Variants in C8orf90 observed in about 807,000 individuals in gnomAD.
C8orf90 encodes the protein chromosome 8 open reading frame 90.
the C8orf90 span, among the ~76,000 whole-genome samples, chr8:141,516,162 C>T: frequency 6.6e-6 from 1 of 152,170 alleles, no homozygotes; most frequent in Admixed American, 6.5e-5. Context: ...AGCAACTCTT[C>T]ACCCTCTTTC....
chr8:141,515,114 C>A, the C8orf90 span, among the ~76,000 whole-genome samples: 3 of 148,174 alleles, frequency 2.0e-5, no homozygotes, highest in South Asian at 2.2e-4. Context: ...CCTGCCCTTG[C>A]CTCTTCTAAA....
chr8:141,514,885 G>T, the C8orf90 span: 1 of 629,608 alleles, frequency 1.6e-6, no homozygotes, highest in South Asian at 1.8e-5. Flanking sequence ...GCTCTGCCAA[G>T]GTCATGAAGG....
chr8:141,518,388 GCCGCCGGGGTCCGA>G, the C8orf90 span: 1 of 674,208 alleles, frequency 1.5e-6, no homozygotes, highest in Non-Finnish European at 2.7e-6. Flanking sequence ...CGTTCGCCTG[GCCGCCGGGGTCCGA>G]CCCCGCCTGC....
the C8orf90 span, among the ~76,000 whole-genome samples, chr8:141,516,783 A>G: frequency 1.3e-5 from 2 of 152,236 alleles, no homozygotes; most frequent in East Asian, 3.9e-4. Context: ...TCTTATCCCC[A>G]GCATGGCGCT....
chr8:141,515,972 C>T, the C8orf90 span, among the ~76,000 whole-genome samples: 5,067 of 152,268 alleles, frequency 0.033, 95 homozygotes, highest in Middle Eastern at 0.15. Context: ...TGGCCTTGCA[C>T]CCTCCTTCCC....
chr8:141,516,952 C>T, the C8orf90 span, among the ~76,000 whole-genome samples: 3 of 152,228 alleles, frequency 2.0e-5, no homozygotes, highest in African/African-American at 7.2e-5. Context: ...TGGAAGGACC[C>T]CCACGTCTGT....
the C8orf90 span, chr8:141,518,523 A>G: frequency 2.0e-5 from 11 of 543,422 alleles, no homozygotes; most frequent in Non-Finnish European, 3.5e-5. Context: ...CGGCCCAGGC[A>G]GCGATGCGCA....
the C8orf90 span, among the ~76,000 whole-genome samples, chr8:141,517,596 T>C: frequency 6.6e-6 from 1 of 152,116 alleles, no homozygotes; most frequent in Non-Finnish European, 1.5e-5. Flanking sequence ...CCCTCTGGAT[T>C]CCAGGGTCAG....
chr8:141,514,869 G>C, the C8orf90 span: 1 of 653,856 alleles, frequency 1.5e-6, no homozygotes, highest in East Asian at 2.8e-5. Flanking sequence ...TCTTCCAGAA[G>C]AAGATGCTCT....
At chr8:141,518,503 C>A in the C8orf90 span, 6 of 613,544 alleles carry the variant, frequency 9.8e-6, no homozygotes, top group African/African-American at 7.8e-5. Flanking sequence ...GCTGCGGCCC[C>A]TGCACGCCAC....
At chr8:141,518,426 A>G in the C8orf90 span, 5 of 669,086 alleles carry the variant, frequency 7.5e-6, no homozygotes, top group South Asian at 1.6e-5. Flanking sequence ...CCGCTCTTCT[A>G]CGACCCCCGC....
chr8:141,518,064 G>T, the C8orf90 span, among the ~76,000 whole-genome samples: 1 of 152,112 alleles, frequency 6.6e-6, no homozygotes, highest in Admixed American at 6.5e-5. Context: ...AGGTGGCCCT[G>T]GCCATCCCCA....
the C8orf90 span, among the ~76,000 whole-genome samples, chr8:141,516,615 G>C: frequency 6.6e-6 from 1 of 152,110 alleles, no homozygotes; most frequent in African/African-American, 2.4e-5. Context: ...CTCTCTGCTT[G>C]CGCTTCTGCC....
At chr8:141,515,628 C>T in the C8orf90 span, among the ~76,000 whole-genome samples, 2 of 152,054 alleles carry the variant, frequency 1.3e-5, no homozygotes, top group Admixed American at 1.3e-4. Context: ...CCCAGCACTC[C>T]TTTAGTGAGG....
the C8orf90 span, chr8:141,518,396 G>T: frequency 1.5e-6 from 1 of 673,532 alleles, no homozygotes; most frequent in Non-Finnish European, 2.7e-6. Flanking sequence ...TGGCCGCCGG[G>T]GTCCGACCCC....
the C8orf90 span, among the ~76,000 whole-genome samples, chr8:141,517,324 C>T: frequency 6.8e-3 from 1,034 of 152,376 alleles, 14 homozygotes; most frequent in African/African-American, 0.024. Context: ...TACATTCTTT[C>T]CTGGACTGTG....
chr8:141,518,583 G>A, the C8orf90 span: 11 of 433,462 alleles, frequency 2.5e-5, no homozygotes, highest in Non-Finnish European at 4.4e-5. Flanking sequence ...CGCGGGGCCC[G>A]GGCCCGGCCT....
the C8orf90 span, chr8:141,518,267 C>T: frequency 1.6e-6 from 1 of 634,744 alleles, no homozygotes; most frequent in Admixed American, 2.4e-5. Flanking sequence ...GGCGGGGACG[C>T]GCAGCTCTGG....
the C8orf90 span, chr8:141,518,111 G>C: frequency 1.9e-6 from 1 of 518,698 alleles, no homozygotes; most frequent in Non-Finnish European, 3.4e-6. Flanking sequence ...GCTCCTTCCA[G>C]ACTGGCCACC....
Sources: gnomAD v4.1 joint callset for allele counts (sites outside exome capture counted in the v4.1 genomes callset) on GRCh38, gnomAD v4.1.1 for gene constraint, MANE v1.5 for transcripts, NCBI Gene and HGNC (gene_info 2026-07-23, HGNC 2026-07-21) for gene names.